TMPRSS2: variants seen among roughly 807,000 people sequenced by gnomAD.
TMPRSS2 encodes transmembrane serine protease 2.
TMPRSS2 carries 59 observed loss-of-function variants against 67.4 expected under a neutral mutation model. That is an observed-to-expected ratio of 0.88 (90% CI 0.71 to 1.09). The LOEUF is 1.09. TMPRSS2 is among the 50% of genes least tolerant of loss of function. TMPRSS2 has a pLI of 0.00. For missense variants in TMPRSS2, 668 were observed against 642.7 expected (o/e 1.04, Z -0.43); for synonymous variants, 257 against 257.0 (o/e 1.00, Z 0.00).
At chr21:41,490,135 A>G (rs956427060) in intron 3 of TMPRSS2, among the ~76,000 whole-genome samples, 24 of 145,382 alleles carry the variant, frequency 1.7e-4, no homozygotes, top group Admixed American at 8.7e-4. Flanking sequence ...GCGACAGAGC[A>G]AAAACTCTGT....
intron 7 of TMPRSS2, 65 bp downstream of exon 7, chr21:41,479,107 G>A (rs2091237763): frequency 5.6e-6 from 7 of 1,250,718 alleles, no homozygotes; most frequent in African/African-American, 1.5e-5. Context: ...TCAGGACAAC[G>A]ATTCCCCATG....
At chr21:41,469,664 G>A (rs2091114070) in intron 11 of TMPRSS2, among the ~76,000 whole-genome samples, 1 of 152,046 alleles carries the variant, frequency 6.6e-6, no homozygotes, top group African/African-American at 2.4e-5. Context: ...CCGGGACCTT[G>A]TGATCCCCAC....
Position 41,488,452 on chromosome 21 carries a change from G to A in TMPRSS2, c.387C>T (p.Pro129=), listed in dbSNP as rs1483048420. 2 of 1,613,948 alleles carry A rather than the reference G, an allele frequency of 1.2e-6. No homozygotes were observed. The highest frequency in any genetic ancestry group is 1.7e-6 in the Non-Finnish European group (2 of 1,179,926). ...ECDSSGTCIN[P]SNWCDGVSHC... is the part of the protein sequence containing the mutation. The stretch of plus-strand genomic sequence containing the variant: ...GTGACACGCCATCACACCAGTTAGA[G>A]GGGTTGATGCAGGTACCTGAGGAGT... The change falls in exon 5 of 14, where the codon CCC becomes CCT. Residue 129 remains proline, a synonymous_variant. Coordinates refer to ENST00000332149, the MANE Select transcript of TMPRSS2 (RefSeq NM_005656.4).
At chr21:41,469,285 A>G (rs765141654) in intron 11 of TMPRSS2, among the ~76,000 whole-genome samples, 4 of 147,596 alleles carry the variant, frequency 2.7e-5, no homozygotes, top group Non-Finnish European at 4.5e-5. Context: ...GCCCTAGTGT[A>G]CCCTCATCTC....
At chr21:41,476,344 A>G (rs1168808880) in intron 8 of TMPRSS2, among the ~76,000 whole-genome samples, 1 of 152,070 alleles carries the variant, frequency 6.6e-6, no homozygotes, top group Non-Finnish European at 1.5e-5. Flanking sequence ...CAGCTTCTTG[A>G]GCGTGCCTGA....
chr21:41,481,880 T>A (rs2091259828), intron 5 of TMPRSS2, among the ~76,000 whole-genome samples: 1 of 151,978 alleles, frequency 6.6e-6, no homozygotes, highest in Non-Finnish European at 1.5e-5. Flanking sequence ...CTGGCCAACA[T>A]GGAGAAACCG....
chr21:41,495,829 C>A lies in TMPRSS2; in HGVS notation c.16-1251G>T, dbSNP rs142425263. Among the ~76,000 whole-genome samples, 6 of 151,838 alleles carry A rather than the reference C, an allele frequency of 4.0e-5. No individual in the cohort carries two copies. The East Asian group carries it at 7.7e-4, about 20-fold the overall frequency. ...AACTCGAGAACCACACAAGCCAGGG[C>A]AAACCCACCCCAGGGCTTCTGCATC... On this transcript the variant is annotated intron_variant, in intron 2 of 13. Coordinates refer to ENST00000332149, the MANE Select transcript of TMPRSS2 (RefSeq NM_005656.4).
At chr21:41,468,732 GC>G (rs1259300473) in intron 11 of TMPRSS2, 194 bp from the exon 12 acceptor site, 1 of 583,748 alleles carries the variant, frequency 1.7e-6, no homozygotes, top group African/African-American at 1.9e-5. Context: ...AACTGGCGGT[GC>G]CTGTGCTGAA....
intron 5 of TMPRSS2, among the ~76,000 whole-genome samples, chr21:41,485,363 C>A (rs2091288201): frequency 6.6e-6 from 1 of 152,034 alleles, no homozygotes. Context: ...AAAAGCCATT[C>A]CAGGCCAGGC....
intron 11 of TMPRSS2, among the ~76,000 whole-genome samples, chr21:41,469,627 C>G (rs370663590): frequency 4.9e-4 from 75 of 152,262 alleles, no homozygotes; most frequent in African/African-American, 1.8e-3. Context: ...TTCCGAGAAG[C>G]CTTTCCTGAC....
Position 41,464,558 on chromosome 21 carries a change from G to GA in TMPRSS2, c.*1583dup, listed in dbSNP as rs143680939. 1.7e-3 allele frequency: 376 copies of GA among 217,742 alleles called. 3 individuals are homozygous for GA. The highest frequency in any genetic ancestry group is 0.014 in the East Asian group (213 of 14,930). The allele number at this position is 217,742 out of a possible 1,614,324, so 13.5% of individuals were successfully genotyped here. A position where few individuals can be genotyped will look rare whatever the true frequency, so the allele number is the denominator to read the frequency against. On this transcript the variant is annotated 3_prime_UTR_variant, in exon 14 of 14. Coordinates refer to ENST00000332149, the MANE Select transcript of TMPRSS2 (RefSeq NM_005656.4). Reference sequence around the variant, plus strand: ...ACTTCAAAGATGCAGTAGTTACTTTGAAAAAAAAATTGCATAATTTATTTG... The same window carrying GA: ...ACTTCAAAGATGCAGTAGTTACTTTGAAAAAAAAAATTGCATAATTTATTTG...
At chr21:41,482,425 A>G (rs1361367301) in intron 5 of TMPRSS2, among the ~76,000 whole-genome samples, 1 of 152,220 alleles carries the variant, frequency 6.6e-6, no homozygotes, top group Non-Finnish European at 1.5e-5. Flanking sequence ...AGAGCAAGTG[A>G]TAAATGATGC....
intron 2 of TMPRSS2, among the ~76,000 whole-genome samples, chr21:41,495,915 T>TTA (rs761602195): frequency 1.4e-5 from 2 of 142,968 alleles, no homozygotes; most frequent in Non-Finnish European, 3.1e-5. Flanking sequence ...TCTTTAAAAT[T>TTA]AAAAAAAAAA....
chr21:41,485,290 C>T (rs1187406868), intron 5 of TMPRSS2, among the ~76,000 whole-genome samples: 1 of 152,002 alleles, frequency 6.6e-6, no homozygotes, highest in Non-Finnish European at 1.5e-5. Context: ...GAGAGCAACT[C>T]TTCAGGTAAC....
intron 11 of TMPRSS2, among the ~76,000 whole-genome samples, chr21:41,470,392 A>G (rs1401248882): frequency 2.5e-4 from 38 of 152,204 alleles, no homozygotes; most frequent in Admixed American, 2.5e-3. Context: ...CTAAACTCGT[A>G]TGGCCCAGAT....
chr21:41,485,883 G>A (rs937842487), intron 5 of TMPRSS2, among the ~76,000 whole-genome samples: 1 of 152,190 alleles, frequency 6.6e-6, no homozygotes, highest in Non-Finnish European at 1.5e-5. Flanking sequence ...GCTCAAGGCC[G>A]GCACGAGGGC....
intron 1 of TMPRSS2, among the ~76,000 whole-genome samples, chr21:41,500,579 A>C (rs753228397): frequency 2.6e-5 from 4 of 152,218 alleles, no homozygotes; most frequent in African/African-American, 4.8e-5. Flanking sequence ...AACCTCACCC[A>C]ACAGGTTACA....
rs1285324749 is a variant in TMPRSS2 at position 41,467,832 on chromosome 21, C to A, written c.1369G>T (p.Gly457Trp). 6.2e-7 allele frequency: 1 copy of A among 1,614,272 alleles called. No individual in the cohort carries two copies. Among genetic ancestry groups the A allele is most frequent in the Admixed American group, 1.7e-5 (1 of 60,034 alleles). ...TSKNNIWWLI[G>W]DTSWGSGCAK... Reference sequence around the variant, plus strand: ...CAGCCAGAACCCCAGCTTGTATCCCCTATCAGCCACCAGATATTGTTCTTC... The same window carrying A: ...CAGCCAGAACCCCAGCTTGTATCCCATATCAGCCACCAGATATTGTTCTTC... The change falls in exon 13 of 14, where the codon GGG becomes TGG. Residue 457 changes from glycine to tryptophan, a missense_variant. Physicochemically the swap from Gly to Trp is radical, Grantham distance 184. Coordinates refer to ENST00000332149, the MANE Select transcript of TMPRSS2 (RefSeq NM_005656.4).
At chr21:41,485,380 G>A (rs1241474477) in intron 5 of TMPRSS2, among the ~76,000 whole-genome samples, 1 of 152,092 alleles carries the variant, frequency 6.6e-6, no homozygotes, top group Non-Finnish European at 1.5e-5. Context: ...AGGCGTGGTA[G>A]TTCACGCCTG....
Sources: allele counts gnomAD v4.1 joint callset (sites outside exome capture counted in the v4.1 genomes callset), GRCh38; gene constraint gnomAD v4.1.1; transcripts MANE v1.5; gene names NCBI Gene and HGNC (gene_info 2026-07-23, HGNC 2026-07-21).